PEX26: variants seen among roughly 807,000 people sequenced by gnomAD.
PEX26 encodes peroxisomal biogenesis factor 26.
A neutral mutation model predicts 31.4 loss-of-function variants in PEX26; 18 were observed. That is an observed-to-expected ratio of 0.57 (90% confidence interval 0.40 to 0.85). PEX26 has a LOEUF of 0.85. PEX26 is among the 40% of genes least tolerant of loss of function. The pLI is 0.00. For missense variants in PEX26, 377 were observed against 383.9 expected, an observed-to-expected ratio of 0.98 and a Z score of 0.15; for synonymous variants, 176 against 166.9, an observed-to-expected ratio of 1.05 and a Z score of -0.42.
Position 18,101,857 on chromosome 22 carries a change from C to T in PEX26, c.*13782C>T, listed in dbSNP as rs78644097. The stretch of plus-strand genomic sequence containing the variant: ...AGCCAGTGAATGGAGAATTCGACAA[C>T]GCCTGGCATGATTGAGGGTGACACA... On this transcript the variant is annotated 3_prime_UTR_variant, in exon 5 of 5. Transcript: ENST00000399744. 6.1e-3 allele frequency: 999 copies of T among 163,390 alleles called. 8 individuals are homozygous for T. Among genetic ancestry groups the T allele is most frequent in the African/African-American group, 0.017 (714 of 41,810 alleles). 10.1% of individuals were successfully genotyped at this position (163,390 alleles called of 1,614,324 possible). A position where few individuals can be genotyped will look rare whatever the true frequency, so the allele number is the denominator to read the frequency against.
At position 18,102,484 on chromosome 22, in the gene PEX26, T is replaced by C; in HGVS notation, c.*14409T>C. The C allele has an allele frequency of 6.5e-6, 1 of 154,958 alleles. No individual in the cohort carries two copies. The highest frequency in any genetic ancestry group is 1.5e-5 in the Non-Finnish European group (1 of 68,960). The allele number at this position is 154,958 out of a possible 1,614,324, so 9.6% of individuals were successfully genotyped here. A position where few individuals can be genotyped will look rare whatever the true frequency, so the allele number is the denominator to read the frequency against. ...AGTGCCACAGCTTGTTCGGGGAAGC[T>C]GGCATAGAAGATGATTTGCTCAACA... On this transcript the variant is annotated 3_prime_UTR_variant, in exon 5 of 5. Transcript: ENST00000399744.
Position 18,078,024 on chromosome 22 carries a change from C to T in PEX26, c.-353C>T, listed in dbSNP as rs899857801. 6.3e-6 allele frequency: 3 copies of T among 476,562 alleles called. No individual in the cohort carries two copies. The highest frequency in any genetic ancestry group is 1.2e-5 in the Non-Finnish European group (3 of 243,408). The allele number at this position is 476,562 out of a possible 1,614,324, so 29.5% of individuals were successfully genotyped here. On this transcript the variant is annotated 5_prime_UTR_variant, in exon 1 of 5. Coordinates refer to ENST00000399744, the MANE Select transcript of PEX26 (RefSeq NM_001127649.3). ...CGGGGCTGGGCGAGCGCAAAGATGT[C>T]CGCGCCCGCTGCCGGGAGGCGAGGT...
At chr22:18,083,157 C>G (rs1926686099) in intron 2 of PEX26, among the ~76,000 whole-genome samples, 1 of 152,182 alleles carries the variant, frequency 6.6e-6, no homozygotes, top group African/African-American at 2.4e-5. Context: ...ATTGCTCTGG[C>G]TATGACCTCC....
chr22:18,079,212 T>C, intron 1 of PEX26: 1 of 985,318 alleles, frequency 1.0e-6, no homozygotes, highest in African/African-American at 1.7e-5. Context: ...AAAAAAACCT[T>C]GGGCTTGCAT....
Position 18,100,361 on chromosome 22 carries a change from C to T in PEX26, c.*12286C>T, listed in dbSNP as rs570415748. 8.5e-5 allele frequency: 13 copies of T among 152,070 alleles called. No homozygotes were observed. The South Asian group carries it at 2.7e-3, about 32-fold the overall frequency. The allele number at this position is 152,070 out of a possible 1,614,324, so 9.4% of individuals were successfully genotyped here. On this transcript the variant is annotated 3_prime_UTR_variant, in exon 5 of 5. Coordinates refer to ENST00000399744, the MANE Select transcript of PEX26 (RefSeq NM_001127649.3). Reference sequence around the variant, plus strand: ...AAGTGCTGGGATTAGAGGCGTGAGCCACCATGCCTGGCCAGCTCTTTCTAA... The same window carrying T: ...AAGTGCTGGGATTAGAGGCGTGAGCTACCATGCCTGGCCAGCTCTTTCTAA...
rs1194002860 is a variant in PEX26, at chr22:18,091,093, T to A, written c.*3018T>A. 1 of 152,198 alleles carries A rather than the reference T, an allele frequency of 6.6e-6. No homozygotes were observed. The highest frequency in any genetic ancestry group is 1.5e-5 in the Non-Finnish European group (1 of 68,054). 9.4% of individuals were successfully genotyped at this position (152,198 alleles called of 1,614,324 possible). On this transcript the variant is annotated 3_prime_UTR_variant, in exon 5 of 5. Transcript: ENST00000399744. ...TGTGTTGCCCAGGCTGGACCTGAAC[T>A]CCTGGGCTTGAGCAAGTCTTCCCCT...
chr22:18,081,542 G>T, intron 2 of PEX26: 1 of 155,730 alleles, frequency 6.4e-6, no homozygotes, highest in South Asian at 1.6e-4. Context: ...GCAGGAACTT[G>T]ATCTTGGAAT....
rs532642736 is a variant in PEX26, at chr22:18,104,065, G to T, written c.*15990G>T. The T allele has an allele frequency of 6.6e-6, 1 of 152,260 alleles. No homozygotes were observed. The highest frequency in any genetic ancestry group is 2.4e-5 in the African/African-American group (1 of 41,522). 9.4% of individuals were successfully genotyped at this position (152,260 alleles called of 1,614,324 possible). A position where few individuals can be genotyped will look rare whatever the true frequency, so the allele number is the denominator to read the frequency against. On this transcript the variant is annotated 3_prime_UTR_variant, in exon 5 of 5. Coordinates refer to ENST00000399744, the MANE Select transcript of PEX26 (RefSeq NM_001127649.3). ...AATATGTGAAGTGATTGGAAAAAATGAGACTATTCAACCAGTTGTTTCAGT... is the reference window on the plus strand; with the variant it reads ...AATATGTGAAGTGATTGGAAAAAATTAGACTATTCAACCAGTTGTTTCAGT...
Position 18,088,065 on chromosome 22 carries a change from T to C in PEX26, c.908T>C (p.Ile303Thr). Residue 303 changes from isoleucine (I) to threonine (T), a missense_variant, in exon 5 of 5, where the codon ATC (isoleucine) becomes ACC (threonine). Physicochemically the swap from Ile to Thr is moderately conservative, Grantham distance 89. Transcript: ENST00000399744. This position sits in a 1 kb window ranked among gnomAD's most constrained non-coding sequence, Gnocchi z 4.1. ...AAFSRLYQLR[I>T]RD Reference sequence around the variant, plus strand: ...TTTTCTCGCCTCTACCAGCTCCGCATCCGTGACTGAGGGTCCCTGCGCACC... The same window carrying C: ...TTTTCTCGCCTCTACCAGCTCCGCACCCGTGACTGAGGGTCCCTGCGCACC... 3 of 1,608,214 alleles carry C rather than the reference T, an allele frequency of 1.9e-6. No homozygotes were observed. Among genetic ancestry groups the C allele is most frequent in the South Asian group, 1.1e-5 (1 of 91,016 alleles).
At chr22:18,087,229 C>T (rs1926876240) in intron 4 of PEX26, among the ~76,000 whole-genome samples, 1 of 152,200 alleles carries the variant, frequency 6.6e-6, no homozygotes, top group African/African-American at 2.4e-5. Context: ...CACACACCAC[C>T]ATGCCAGGCT....
chr22:18,088,172 G>T lies in PEX26; in HGVS notation c.*97G>T. On this transcript the variant is annotated 3_prime_UTR_variant, in exon 5 of 5. Coordinates refer to ENST00000399744, the MANE Select transcript of PEX26 (RefSeq NM_001127649.3). The surrounding 1 kb of genome is among the most constrained non-coding windows in gnomAD (Gnocchi z 4.1). ...ATCCACAGGCGCCCCTGGGGAAATG[G>T]GACCAGCCTAATCTCGCGGAGTGCA... The T allele has an allele frequency of 1.2e-6, 1 of 858,878 alleles. No homozygotes were observed. Among genetic ancestry groups the T allele is most frequent in the Non-Finnish European group, 2.0e-6 (1 of 501,510 alleles). The allele number at this position is 858,878 out of a possible 1,614,324, so 53.2% of individuals were successfully genotyped here. A position where few individuals can be genotyped will look rare whatever the true frequency, so the allele number is the denominator to read the frequency against.
rs1926426702 is a variant in PEX26 at position 18,078,858 on chromosome 22, GGGAAGGCTGAATGTGTATT to G, written c.230+253_230+271del. On this transcript the variant is annotated intron_variant, in intron 1 of 4. Coordinates refer to ENST00000399744, the MANE Select transcript of PEX26 (RefSeq NM_001127649.3). ...TTGTTCCAAGGTACAATGACATGAT[GGGAAGGCTGAATGTGTATT>G]AAGTGCTAAGTTCTGTCAGTAAGCA... is the stretch of plus-strand genomic sequence containing the variant. 3.0e-5 allele frequency: 20 copies of G among 675,880 alleles called. No individual in the cohort carries two copies. In the South Asian group the frequency reaches 3.1e-4, roughly 10 times the overall value. The allele number at this position is 675,880 out of a possible 1,614,324, so 41.9% of individuals were successfully genotyped here. A position where few individuals can be genotyped will look rare whatever the true frequency, so the allele number is the denominator to read the frequency against.
At position 18,088,961 on chromosome 22, in the gene PEX26, CT is replaced by C. The variant is rs1926963011; in HGVS notation, c.*887del. On this transcript the variant is annotated 3_prime_UTR_variant, in exon 5 of 5. Transcript: ENST00000399744. This position sits in a 1 kb window ranked among gnomAD's most constrained non-coding sequence, Gnocchi z 4.1. ...GTTTTCAGAACCACCGGGTTGACTA[CT>C]GAAAACCAAGTGAGCCTTACAGCTC... The C allele has an allele frequency of 6.6e-6, 1 of 152,486 alleles. No individual in the cohort carries two copies. Among genetic ancestry groups the C allele is most frequent in the African/African-American group, 2.4e-5 (1 of 41,588 alleles). 9.4% of individuals were successfully genotyped at this position (152,486 alleles called of 1,614,324 possible). A position where few individuals can be genotyped will look rare whatever the true frequency, so the allele number is the denominator to read the frequency against.
rs1239977598 is a variant in PEX26, at chr22:18,099,238, G to T, written c.*11163G>T. On this transcript the variant is annotated 3_prime_UTR_variant, in exon 5 of 5. Transcript: ENST00000399744. ...GGTGCAGATGGGTAGGATTTGGGTG[G>T]GTACTTGAATTAAAAAAATGAATTT... 1 of 152,066 alleles carries T rather than the reference G, an allele frequency of 6.6e-6. No homozygotes were observed. Among genetic ancestry groups the T allele is most frequent in the African/African-American group, 2.4e-5 (1 of 41,390 alleles). 9.4% of individuals were successfully genotyped at this position (152,066 alleles called of 1,614,324 possible).
chr22:18,079,119 G>A (rs1602456233), intron 1 of PEX26: 14 of 681,598 alleles, frequency 2.1e-5, no homozygotes, highest in Non-Finnish European at 2.5e-5. Flanking sequence ...AGGATTGCTT[G>A]AGCCCAGGAG....
chr22:18,086,497 C>G (rs912272318), intron 4 of PEX26, among the ~76,000 whole-genome samples: 1 of 152,098 alleles, frequency 6.6e-6, no homozygotes, highest in African/African-American at 2.4e-5. Context: ...ATTTAACAAC[C>G]CCTATTATTG....
At position 18,089,376 on chromosome 22, in the gene PEX26, T is replaced by A. The variant is rs1224835416; in HGVS notation, c.*1301T>A. On this transcript the variant is annotated 3_prime_UTR_variant, in exon 5 of 5. Coordinates refer to ENST00000399744, the MANE Select transcript of PEX26 (RefSeq NM_001127649.3). Reference sequence around the variant, plus strand: ...TGGGGGGCGGGGCAGACGGGAGACATGGGTTTTGAAGGCAGTGAACAATAA... The same window carrying A: ...TGGGGGGCGGGGCAGACGGGAGACAAGGGTTTTGAAGGCAGTGAACAATAA... 6.5e-6 allele frequency: 1 copy of A among 152,732 alleles called. No homozygotes were observed. Among genetic ancestry groups the A allele is most frequent in the Non-Finnish European group, 1.5e-5 (1 of 68,100 alleles). 9.5% of individuals were successfully genotyped at this position (152,732 alleles called of 1,614,324 possible).
chr22:18,082,084 G>C (rs1348202018), intron 2 of PEX26, among the ~76,000 whole-genome samples: 1 of 106,346 alleles, frequency 9.4e-6, no homozygotes, highest in Non-Finnish European at 1.8e-5. Context: ...TTTTTCTGCT[G>C]TTAAGTTCCT....
At position 18,100,357 on chromosome 22, in the gene PEX26, G is replaced by A. The variant is rs1269284304; in HGVS notation, c.*12282G>A. ...CCCAAAGTGCTGGGATTAGAGGCGT[G>A]AGCCACCATGCCTGGCCAGCTCTTT... On this transcript the variant is annotated 3_prime_UTR_variant, in exon 5 of 5. Transcript: ENST00000399744. 1 of 152,030 alleles carries A rather than the reference G, an allele frequency of 6.6e-6. No homozygotes were observed. Among genetic ancestry groups the A allele is most frequent in the African/African-American group, 2.4e-5 (1 of 41,390 alleles). The allele number at this position is 152,030 out of a possible 1,614,324, so 9.4% of individuals were successfully genotyped here.
Sources: allele counts gnomAD v4.1 joint callset (sites outside exome capture counted in the v4.1 genomes callset), GRCh38; gene constraint gnomAD v4.1.1; non-coding constraint Gnocchi (gnomAD v3.1); transcripts MANE v1.5; gene names NCBI Gene and HGNC (gene_info 2026-07-23, HGNC 2026-07-21).